The following CDK8 variants were observed in gnomAD, a reference collection of about 807,000 sequenced individuals.
CDK8 encodes the protein cyclin-dependent kinase 8.
A neutral mutation model predicts 71.5 loss-of-function variants in CDK8; 29 were observed. The observed-to-expected ratio is 0.41, with a 90% CI of 0.30 to 0.55. CDK8 has a LOEUF of 0.55. Among genes scored for constraint, CDK8 ranks in the 20% least tolerant of loss-of-function variants. The pLI, the probability that CDK8 is intolerant of heterozygous loss-of-function variation, is 0.37. For missense variants in CDK8, 288 were observed against 572.6 expected (o/e 0.50, Z 5.07); for synonymous variants, 161 against 192.1 (o/e 0.84, Z 1.34).
chr13:26,389,388 G>C lies in CDK8; in HGVS notation c.647-3979G>C, dbSNP rs185114474. Reference sequence around the variant, plus strand: ...TTGCCCAGGCTGGTCTCGAACTCCTGACCTCAAGTGATCCGCCTGCCTCGG... The same window carrying C: ...TTGCCCAGGCTGGTCTCGAACTCCTCACCTCAAGTGATCCGCCTGCCTCGG... On this transcript the variant is annotated intron_variant, in intron 6 of 12. Coordinates refer to ENST00000381527, the MANE Select transcript of CDK8 (RefSeq NM_001260.3). 6.8e-3 allele frequency among the ~76,000 whole-genome samples: 1,040 copies of C among 152,062 alleles called. 9 individuals are homozygous for C. Among genetic ancestry groups the C allele is most frequent in the Non-Finnish European group, 0.011 (755 of 67,988 alleles).
intron 1 of CDK8, among the ~76,000 whole-genome samples, chr13:26,306,155 G>C (rs1281074245): frequency 6.6e-6 from 1 of 152,168 alleles, no homozygotes; most frequent in Non-Finnish European, 1.5e-5. Flanking sequence ...ACCAGAGTCA[G>C]TATACTTCTT....
At position 26,254,148 on chromosome 13, in the gene CDK8, T is replaced by C. The variant is rs906013225; in HGVS notation, c.-494T>C. 57 of 231,246 alleles carry C rather than the reference T, an allele frequency of 2.5e-4. No individual in the cohort carries two copies. Among genetic ancestry groups the C allele is most frequent in the Non-Finnish European group, 5.1e-5 (6 of 116,688 alleles). 14.3% of individuals were successfully genotyped at this position (231,246 alleles called of 1,614,324 possible). ...CTCTTTGAGGAGGTACCGGCTGTTGTGCGGCTCTGCCCTTCTGTTTGAGTG... is the reference window on the plus strand; with the variant it reads ...CTCTTTGAGGAGGTACCGGCTGTTGCGCGGCTCTGCCCTTCTGTTTGAGTG... On this transcript the variant is annotated 5_prime_UTR_variant, in exon 1 of 13. Transcript: ENST00000381527. The surrounding 1 kb of genome is among the most constrained non-coding windows in gnomAD (Gnocchi z 6.7).
intron 4 of CDK8, among the ~76,000 whole-genome samples, chr13:26,370,844 A>C (rs1483258289): frequency 6.6e-6 from 1 of 152,246 alleles, no homozygotes; most frequent in Non-Finnish European, 1.5e-5. Flanking sequence ...CAAAATGTTT[A>C]TAATGATCTA....
intron 4 of CDK8, among the ~76,000 whole-genome samples, chr13:26,365,330 AC>A (rs1195701768): frequency 6.6e-6 from 1 of 151,978 alleles, no homozygotes; most frequent in Non-Finnish European, 1.5e-5. Context: ...ATTATAAACA[AC>A]CCATTTGGCT....
At chr13:26,336,439 A>C (rs1169804289) in intron 1 of CDK8, among the ~76,000 whole-genome samples, 1 of 152,196 alleles carries the variant, frequency 6.6e-6, no homozygotes, top group East Asian at 1.9e-4. Context: ...AGATATAATA[A>C]ACCAAAGCTT....
chr13:26,292,740 G>A (rs1383312520), intron 1 of CDK8, among the ~76,000 whole-genome samples: 1 of 152,156 alleles, frequency 6.6e-6, no homozygotes. Flanking sequence ...TGGAATTCTA[G>A]GTTGGAAATC....
intron 5 of CDK8, among the ~76,000 whole-genome samples, chr13:26,384,175 A>G (rs1036254082): frequency 1.2e-4 from 18 of 152,196 alleles, no homozygotes; most frequent in Non-Finnish European, 2.9e-5. Context: ...CACATTTAAG[A>G]AGAAATACTA....
At chr13:26,328,404 G>T (rs1875124298) in intron 1 of CDK8, among the ~76,000 whole-genome samples, 1 of 152,118 alleles carries the variant, frequency 6.6e-6, no homozygotes, top group African/African-American at 2.4e-5. Flanking sequence ...CCTTGATCTG[G>T]TTGACTGTTC....
At position 26,361,784 on chromosome 13, in the gene CDK8, C is replaced by CTTTTT. The variant is rs553508554; in HGVS notation, c.456+7929_456+7933dup. On this transcript the variant is annotated intron_variant, in intron 4 of 12. Transcript: ENST00000381527. ...TCTTTTTGTCTTTCTTTTCTTTTCCCTTTTTTTTTTTTTTTTTTTTTTTTT... is the reference window on the plus strand; with the variant it reads ...TCTTTTTGTCTTTCTTTTCTTTTCCCTTTTTTTTTTTTTTTTTTTTTTTTTTTTTT... Among the ~76,000 whole-genome samples the CTTTTT allele has an allele frequency of 2.2e-4, 14 of 63,340 alleles. 1 individual carries two copies. The highest frequency in any genetic ancestry group is 3.5e-4 in the African/African-American group (5 of 14,236). The allele number at this position is 63,340 out of a possible 152,430, so 41.6% of individuals were successfully genotyped here.
chr13:26,297,459 T>C (rs1489234350), intron 1 of CDK8, among the ~76,000 whole-genome samples: 4 of 152,146 alleles, frequency 2.6e-5, no homozygotes, highest in African/African-American at 9.7e-5. Context: ...AGCTCCCTCC[T>C]TCCAAAGACC....
Position 26,392,562 on chromosome 13 carries a change from G to C in CDK8, c.647-805G>C, listed in dbSNP as rs539230467. The stretch of plus-strand genomic sequence containing the variant: ...AGGCTGGTCTTGATTTCCTGACCTC[G>C]TGATCCGTCCTCCTCAGCCTCCCAA... On this transcript the variant is annotated intron_variant, in intron 6 of 12. Transcript: ENST00000381527. Among the ~76,000 whole-genome samples, 19 of 152,090 alleles carry C rather than the reference G, an allele frequency of 1.2e-4. 1 individual carries two copies. Among genetic ancestry groups the C allele is most frequent in the African/African-American group, 4.6e-4 (19 of 41,510 alleles).
intron 4 of CDK8, among the ~76,000 whole-genome samples, chr13:26,368,271 TC>T (rs1207567688): frequency 1.3e-5 from 2 of 152,222 alleles, no homozygotes; most frequent in Non-Finnish European, 2.9e-5. Flanking sequence ...TCCCCAGTGA[TC>T]TTCCTCTCTT....
chr13:26,401,222 A>G lies in CDK8; in HGVS notation c.1032-47A>G. ...GAATCTCCTAAATGAAGCATTTGGA[A>G]TATTGATTAGTATACCAGAAATGGT... On this transcript the variant is annotated intron_variant, in intron 10 of 12. Coordinates refer to ENST00000381527, the MANE Select transcript of CDK8 (RefSeq NM_001260.3). The surrounding 1 kb of genome is among the most constrained non-coding windows in gnomAD (Gnocchi z 4.5). 7.3e-7 allele frequency: 1 copy of G among 1,367,536 alleles called. No homozygotes were observed. The highest frequency in any genetic ancestry group is 1.2e-5 in the South Asian group (1 of 82,876). The allele number at this position is 1,367,536 out of a possible 1,614,324, so 84.7% of individuals were successfully genotyped here.
chr13:26,395,304 G>T (rs932287280), intron 7 of CDK8, among the ~76,000 whole-genome samples: 2 of 152,032 alleles, frequency 1.3e-5, no homozygotes, highest in African/African-American at 4.8e-5. Context: ...TACAAAATTA[G>T]CTGGGCATGG....
At chr13:26,387,482 C>T (rs759972226) in intron 6 of CDK8, among the ~76,000 whole-genome samples, 1 of 152,166 alleles carries the variant, frequency 6.6e-6, no homozygotes, top group Non-Finnish European at 1.5e-5. Context: ...CCAGAAGGCG[C>T]AGGTCTTTCC....
chr13:26,324,594 A>C (rs2137953382), intron 1 of CDK8, among the ~76,000 whole-genome samples: 1 of 152,246 alleles, frequency 6.6e-6, no homozygotes, highest in Non-Finnish European at 1.5e-5. Flanking sequence ...AGATCTATGA[A>C]ATAGCAGGAA....
At position 26,266,418 on chromosome 13, in the gene CDK8, A is replaced by T. The variant is rs372395430; in HGVS notation, c.128+11649A>T. 2.6e-5 allele frequency among the ~76,000 whole-genome samples: 4 copies of T among 152,118 alleles called. No individual in the cohort carries two copies. In the East Asian group the frequency reaches 7.7e-4, roughly 29 times the overall value. ...AGGAGGCCAAAAATTGAGTCTAGAA[A>T]GGAGAAAACCCAAGGTTGCCATATT... On this transcript the variant is annotated intron_variant, in intron 1 of 12. Transcript: ENST00000381527.
chr13:26,285,030 G>A (rs1415697371), intron 1 of CDK8, among the ~76,000 whole-genome samples: 1 of 151,714 alleles, frequency 6.6e-6, no homozygotes, highest in Non-Finnish European at 1.5e-5. Context: ...CCTGAGATCA[G>A]GAGTTTGAGA....
At position 26,352,437 on chromosome 13, in the gene CDK8, T is replaced by C. The variant is rs572418266; in HGVS notation, c.316-1303T>C. Among the ~76,000 whole-genome samples, 11 of 152,160 alleles carry C rather than the reference T, an allele frequency of 7.2e-5. No homozygotes were observed. In the South Asian group the frequency reaches 1.9e-3, roughly 26 times the overall value. ...TTCACCGTGTTAGCCAGGATGGTCTTGATCTCCTGACCTCGTGATCCACCC... is the reference window on the plus strand; with the variant it reads ...TTCACCGTGTTAGCCAGGATGGTCTCGATCTCCTGACCTCGTGATCCACCC... On this transcript the variant is annotated intron_variant, in intron 3 of 12. Coordinates refer to ENST00000381527, the MANE Select transcript of CDK8 (RefSeq NM_001260.3).
Sources: gnomAD v4.1 joint callset for allele counts (sites outside exome capture counted in the v4.1 genomes callset) on GRCh38, gnomAD v4.1.1 for gene constraint, Gnocchi (gnomAD v3.1) non-coding constraint, MANE v1.5 for transcripts, NCBI Gene and HGNC (gene_info 2026-07-23, HGNC 2026-07-21) for gene names.